The following GPC6 variants were observed in gnomAD, a reference collection of about 807,000 sequenced individuals.
GPC6 encodes glypican 6, also known as glypican-6.
In GPC6, 14 loss-of-function variants were observed where a neutral mutation model predicts 55.2. That is an observed-to-expected ratio of 0.25 (90% CI 0.17 to 0.40). The LOEUF is 0.40. GPC6 is among the 10% of genes least tolerant of loss of function. The pLI is 1.00. For synonymous variants in GPC6, 278 were observed against 259.6 expected (o/e 1.07, Z -0.68); for missense variants, 641 against 708.5 (o/e 0.90, Z 1.08).
At chr13:93,725,594 G>T (rs770891104) in intron 2 of GPC6, among the ~76,000 whole-genome samples, 17 of 151,958 alleles carry the variant, frequency 1.1e-4, no homozygotes, top group Non-Finnish European at 1.9e-4. Context: ...TAAAGATTTG[G>T]TCAGTTCATC....
chr13:94,083,326 G>A (rs1425860522), intron 4 of GPC6, among the ~76,000 whole-genome samples: 1 of 152,124 alleles, frequency 6.6e-6, no homozygotes, highest in African/African-American at 2.4e-5. Flanking sequence ...CACCGTGTTA[G>A]CCAGGATGGT....
At chr13:94,251,526 C>A (rs1159589675) in intron 4 of GPC6, among the ~76,000 whole-genome samples, 2 of 151,748 alleles carry the variant, frequency 1.3e-5, no homozygotes, top group Non-Finnish European at 2.9e-5. Flanking sequence ...ATACAAAGCC[C>A]CCAAATCCCA....
chr13:93,452,797 C>T (rs1477612524), intron 1 of GPC6, among the ~76,000 whole-genome samples: 6 of 151,738 alleles, frequency 4.0e-5, no homozygotes, highest in Non-Finnish European at 8.8e-5. Flanking sequence ...ATGATGGTTT[C>T]CTAATCCAAA....
intron 3 of GPC6, among the ~76,000 whole-genome samples, chr13:94,011,982 A>G (rs1156297054): frequency 6.6e-6 from 1 of 152,206 alleles, no homozygotes; most frequent in Non-Finnish European, 1.5e-5. Context: ...AAAAGAGGGA[A>G]GAAGAACATT....
chr13:93,576,916 A>G (rs907000569), intron 2 of GPC6, among the ~76,000 whole-genome samples: 1 of 152,158 alleles, frequency 6.6e-6, no homozygotes, highest in African/African-American at 2.4e-5. Context: ...ATTTTGTATC[A>G]TGTCTTATGA....
intron 1 of GPC6, among the ~76,000 whole-genome samples, chr13:93,334,333 C>T (rs561572192): frequency 6.6e-6 from 1 of 152,230 alleles, no homozygotes; most frequent in East Asian, 1.9e-4. Context: ...TGGCCCTTTA[C>T]TCTTCAATAT....
At chr13:93,779,672 A>G (rs1436014070) in intron 2 of GPC6, among the ~76,000 whole-genome samples, 1 of 152,156 alleles carries the variant, frequency 6.6e-6, no homozygotes, top group African/African-American at 2.4e-5. Flanking sequence ...GCTATATGCT[A>G]TATCTGCCCC....
chr13:93,572,076 C>A (rs1876433179), intron 2 of GPC6, among the ~76,000 whole-genome samples: 1 of 152,142 alleles, frequency 6.6e-6, no homozygotes. Flanking sequence ...ATCTAAGCCT[C>A]CTTTCACTGG....
intron 4 of GPC6, among the ~76,000 whole-genome samples, chr13:94,217,556 T>C (rs1381082587): frequency 2.0e-5 from 3 of 152,194 alleles, no homozygotes; most frequent in East Asian, 1.9e-4. Flanking sequence ...TTGGGTGATG[T>C]AACTACTACA....
chr13:93,798,761 A>G (rs1886278820), intron 2 of GPC6, among the ~76,000 whole-genome samples: 1 of 151,936 alleles, frequency 6.6e-6, no homozygotes, highest in African/African-American at 2.4e-5. Context: ...TCTACTAAAA[A>G]TACAAAAATT....
chr13:93,265,863 T>C (rs993845171), intron 1 of GPC6, among the ~76,000 whole-genome samples: 1 of 151,986 alleles, frequency 6.6e-6, no homozygotes, highest in African/African-American at 2.4e-5. Context: ...TGCCTCCTTA[T>C]GCGCAAGGAC....
intron 4 of GPC6, among the ~76,000 whole-genome samples, chr13:94,174,909 T>C (rs184641354): frequency 1.3e-5 from 2 of 152,262 alleles, no homozygotes; most frequent in African/African-American, 2.4e-5. Context: ...TGCAGCTCAA[T>C]TGACTTTTAT....
At chr13:93,596,654 G>A (rs570444662) in intron 2 of GPC6, among the ~76,000 whole-genome samples, 77 of 145,666 alleles carry the variant, frequency 5.3e-4, no homozygotes, top group African/African-American at 1.8e-3. Context: ...GTGTGTATAT[G>A]CATATATAAG....
intron 1 of GPC6, among the ~76,000 whole-genome samples, chr13:93,363,900 T>A (rs537691475): frequency 6.6e-6 from 1 of 152,194 alleles, no homozygotes; most frequent in African/African-American, 2.4e-5. Flanking sequence ...GCTGAGCATT[T>A]TTTCATGTGT....
chr13:93,994,882 T>C (rs1881468440), intron 3 of GPC6, among the ~76,000 whole-genome samples: 1 of 152,204 alleles, frequency 6.6e-6, no homozygotes, highest in South Asian at 2.1e-4. Flanking sequence ...TTCTACACTG[T>C]ATGCTGAGAA....
At chr13:93,414,007 A>T (rs372039841) in intron 1 of GPC6, among the ~76,000 whole-genome samples, 21 of 152,190 alleles carry the variant, frequency 1.4e-4, no homozygotes, top group African/African-American at 5.1e-4. Context: ...GCAACTTCCC[A>T]CCAAAAAGAA....
intron 3 of GPC6, among the ~76,000 whole-genome samples, chr13:93,833,107 TAGAGAGAGAGAGAGAGAG>T (rs367949345): frequency 0.036 from 3,873 of 109,082 alleles, 257 homozygotes; most frequent in East Asian, 0.19. Context: ...AGGTAGATGA[TAGAGAGAGAGAGAGAGAG>T]AGAGAGAGAG....
intron 4 of GPC6, among the ~76,000 whole-genome samples, chr13:94,146,560 T>C (rs1284543670): frequency 6.6e-6 from 1 of 152,132 alleles, no homozygotes; most frequent in Non-Finnish European, 1.5e-5. Context: ...GATAGCAGTG[T>C]TTTTCAAATC....
Position 93,931,669 on chromosome 13 carries a change from C to T in GPC6, c.712-96060C>T, listed in dbSNP as rs571051989. On this transcript the variant is annotated intron_variant, in intron 3 of 8. Transcript: ENST00000377047. Reference sequence around the variant, plus strand: ...ATCCCAGCTAGTCAGAAGGCTGAGGCGGAAGAGTCACTTGAACCTGAGAAG... The same window carrying T: ...ATCCCAGCTAGTCAGAAGGCTGAGGTGGAAGAGTCACTTGAACCTGAGAAG... Among the ~76,000 whole-genome samples, 22 of 145,206 alleles carry T rather than the reference C, an allele frequency of 1.5e-4. No individual in the cohort carries two copies. The South Asian group carries it at 4.1e-3, about 27-fold the overall frequency.
Sources: allele counts gnomAD v4.1 joint callset (sites outside exome capture counted in the v4.1 genomes callset), GRCh38; gene constraint gnomAD v4.1.1; transcripts MANE v1.5; gene names NCBI Gene and HGNC (gene_info 2026-07-23, HGNC 2026-07-21).